The following SGPP1 variants were observed in gnomAD, a reference collection of about 807,000 sequenced individuals.
SGPP1 encodes hSPP1.
In SGPP1, 21 loss-of-function variants were observed where a neutral mutation model predicts 33.0. The observed-to-expected ratio is 0.64, with a 90% CI of 0.45 to 0.92. The LOEUF (loss-of-function observed/expected upper bound fraction) is 0.92, where lower values mean the gene tolerates loss of function less well. Ranked by LOEUF, SGPP1 falls within the 40% of genes least tolerant of loss-of-function variation. SGPP1 has a pLI of 0.00. For synonymous variants in SGPP1, 239 were observed against 241.2 expected (o/e 0.99, Z 0.08); for missense variants, 543 against 589.4 (o/e 0.92, Z 0.81).
At chr14:63,707,056 A>C (rs1885423348) in intron 1 of SGPP1, among the ~76,000 whole-genome samples, 2 of 151,436 alleles carry the variant, frequency 1.3e-5, no homozygotes, top group East Asian at 3.9e-4. Flanking sequence ...AAAAAAAAAA[A>C]AAAAACTGAC....
intron 1 of SGPP1, among the ~76,000 whole-genome samples, chr14:63,724,016 T>C (rs137968210): frequency 6.6e-6 from 1 of 152,164 alleles, no homozygotes; most frequent in African/African-American, 2.4e-5. Context: ...TAGCTAGAAC[T>C]ACAGGCATGC....
At chr14:63,702,384 A>G (rs1176041243) in intron 1 of SGPP1, among the ~76,000 whole-genome samples, 1 of 151,900 alleles carries the variant, frequency 6.6e-6, no homozygotes, top group Non-Finnish European at 1.5e-5. Context: ...CACCTTTATG[A>G]TATGTTCTCT....
chr14:63,719,970 A>G (rs2139654315), intron 1 of SGPP1, among the ~76,000 whole-genome samples: 1 of 151,580 alleles, frequency 6.6e-6, no homozygotes, highest in East Asian at 1.9e-4. Context: ...CAAAAAAAAA[A>G]AAAAAATTAG....
intron 1 of SGPP1, among the ~76,000 whole-genome samples, chr14:63,702,168 T>C (rs966205389): frequency 6.6e-6 from 1 of 152,106 alleles, no homozygotes; most frequent in East Asian, 1.9e-4. Flanking sequence ...AAGTATGACT[T>C]AACCCACATT....
intron 1 of SGPP1, among the ~76,000 whole-genome samples, chr14:63,718,986 A>ATATATATC: frequency 7.1e-5 from 1 of 14,040 alleles, no homozygotes; most frequent in Non-Finnish European, 1.4e-4. Flanking sequence ...ACATATATAT[A>ATATATATC]TATATATATA....
At chr14:63,702,688 T>C (rs1370991569) in intron 1 of SGPP1, among the ~76,000 whole-genome samples, 2 of 152,034 alleles carry the variant, frequency 1.3e-5, no homozygotes, top group African/African-American at 4.8e-5. Context: ...ACAGCCTGGG[T>C]GAAGAAGTGA....
intron 1 of SGPP1, among the ~76,000 whole-genome samples, chr14:63,708,727 G>A (rs1055453787): frequency 6.6e-6 from 1 of 152,132 alleles, no homozygotes; most frequent in African/African-American, 2.4e-5. Flanking sequence ...TATTCTAAGA[G>A]CTTTTACAAA....
At chr14:63,727,117 A>G (rs886226673) in intron 1 of SGPP1, 144 bp downstream of exon 1, 2 of 1,343,170 alleles carry the variant, frequency 1.5e-6, no homozygotes, top group Non-Finnish European at 9.7e-7. Context: ...AAACCCAGAA[A>G]GGGCCTGTTT....
intron 1 of SGPP1, among the ~76,000 whole-genome samples, chr14:63,700,603 A>C (rs1885276946): frequency 6.6e-6 from 1 of 152,216 alleles, no homozygotes. Context: ...AAAAGCATGC[A>C]AATGATATGA....
intron 1 of SGPP1, among the ~76,000 whole-genome samples, chr14:63,715,610 G>A (rs924207862): frequency 6.6e-6 from 1 of 152,180 alleles, no homozygotes; most frequent in Non-Finnish European, 1.5e-5. Flanking sequence ...AGCACAGGAG[G>A]AAGAATCAAA....
intron 1 of SGPP1, among the ~76,000 whole-genome samples, chr14:63,709,469 G>A (rs1189743687): frequency 1.3e-5 from 2 of 151,058 alleles, no homozygotes; most frequent in East Asian, 3.9e-4. Context: ...TTATACTCTA[G>A]TGACCTATTC....
At chr14:63,717,066 A>T (rs925853833) in intron 1 of SGPP1, among the ~76,000 whole-genome samples, 2 of 152,120 alleles carry the variant, frequency 1.3e-5, no homozygotes, top group African/African-American at 4.8e-5. Context: ...GAAATTGAAG[A>T]TTTTTTAAAA....
intron 1 of SGPP1, among the ~76,000 whole-genome samples, chr14:63,702,072 A>G (rs2139638923): frequency 6.6e-6 from 1 of 152,280 alleles, no homozygotes; most frequent in Non-Finnish European, 1.5e-5. Flanking sequence ...AACAAACTGA[A>G]GAAAAAATCA....
chr14:63,686,543 G>A lies in SGPP1; in HGVS notation c.888C>T (p.Ile296=), dbSNP rs752709768. The stretch of plus-strand genomic sequence containing the variant: ...AGATCCCCAAAGCTAAATGAAGCCC[G>A]ATGATGATGAATGGAGCATATTTGT... ...QTHKYAPFII[I]GLHLALGIFS... is the part of the protein sequence containing the mutation. The change falls in exon 3 of 3, where the codon ATC becomes ATT. Residue 296 remains isoleucine, a synonymous_variant. Transcript: ENST00000247225. 55 of 1,613,884 alleles carry A rather than the reference G, an allele frequency of 3.4e-5. No individual in the cohort carries two copies. The Middle Eastern group carries it at 6.6e-4, about 19-fold the overall frequency.
At chr14:63,705,658 A>G (rs751506193) in intron 1 of SGPP1, among the ~76,000 whole-genome samples, 1 of 152,016 alleles carries the variant, frequency 6.6e-6, no homozygotes, top group Non-Finnish European at 1.5e-5. Context: ...ACAAAGTGAA[A>G]CCCTGTCTCA....
chr14:63,684,872 A>G lies in SGPP1; in HGVS notation c.*1233T>C, dbSNP rs1884938486. ...TAATAGGATCTAAAATACTGATACT[A>G]ATTTTAGGTTTTATAATTTACCTTA... On this transcript the variant is annotated 3_prime_UTR_variant, in exon 3 of 3. Transcript: ENST00000247225. The G allele has an allele frequency of 6.6e-6, 1 of 152,510 alleles. No homozygotes were observed. Among genetic ancestry groups the G allele is most frequent in the Non-Finnish European group, 1.5e-5 (1 of 67,910 alleles). The allele number at this position is 152,510 out of a possible 1,614,324, so 9.4% of individuals were successfully genotyped here. A position where few individuals can be genotyped will look rare whatever the true frequency, so the allele number is the denominator to read the frequency against.
chr14:63,724,039 A>G (rs1240163165), intron 1 of SGPP1, among the ~76,000 whole-genome samples: 2 of 151,836 alleles, frequency 1.3e-5, no homozygotes, highest in Non-Finnish European at 2.9e-5. Context: ...CACCATGCCC[A>G]GCTGATTTTT....
At chr14:63,706,429 TA>T (rs1406585922) in intron 1 of SGPP1, among the ~76,000 whole-genome samples, 2 of 152,158 alleles carry the variant, frequency 1.3e-5, no homozygotes, top group Non-Finnish European at 2.9e-5. Context: ...ATGTAAGTTT[TA>T]CCCCAAGTTA....
chr14:63,703,606 T>C (rs991411662), intron 1 of SGPP1, among the ~76,000 whole-genome samples: 3 of 142,880 alleles, frequency 2.1e-5, no homozygotes, highest in Non-Finnish European at 3.0e-5. Flanking sequence ...TGAGCTGAGA[T>C]TGCACCCCGG....
Sources: gnomAD v4.1 joint callset for allele counts (sites outside exome capture counted in the v4.1 genomes callset) on GRCh38, gnomAD v4.1.1 for gene constraint, MANE v1.5 for transcripts, NCBI Gene and HGNC (gene_info 2026-07-23, HGNC 2026-07-21) for gene names.